Variants in SAMSN1 observed in about 807,000 individuals in gnomAD.
SAMSN1 encodes the protein SAM domain, SH3 domain and nuclear localization signals 1.
In SAMSN1, 31 loss-of-function variants were observed where a neutral mutation model predicts 42.0. The observed-to-expected ratio is 0.74, with a 90% CI of 0.55 to 1.00. The LOEUF (loss-of-function observed/expected upper bound fraction) is 1.00. Among genes scored for constraint, SAMSN1 ranks in the 50% least tolerant of loss-of-function variants. The pLI is 0.00. For synonymous variants in SAMSN1, 178 were observed against 151.9 expected, an observed-to-expected ratio of 1.17 and a Z score of -1.26; for missense variants, 464 against 439.4, an observed-to-expected ratio of 1.06 and a Z score of -0.50.
chr21:14,502,518 C>T (rs371197901), intron 5 of SAMSN1, among the ~76,000 whole-genome samples: 237 of 152,282 alleles, frequency 1.6e-3, no homozygotes, highest in African/African-American at 5.4e-3. Flanking sequence ...AATAGTATTT[C>T]AATTTTCATG....
chr21:14,551,819 G>T (rs1047474657), intron 2 of SAMSN1, among the ~76,000 whole-genome samples: 6 of 151,984 alleles, frequency 3.9e-5, no homozygotes, highest in African/African-American at 1.4e-4. Context: ...CAGCTTCCTG[G>T]TGGGGTTTGG....
chr21:14,610,153 C>T (rs901098223), intron 4 of SAMSN1, among the ~76,000 whole-genome samples: 6 of 152,158 alleles, frequency 3.9e-5, no homozygotes, highest in Non-Finnish European at 8.8e-5. Context: ...ATGATGGAGC[C>T]ATATTTCTCT....
At chr21:14,569,251 C>T (rs2123215042) in intron 2 of SAMSN1, among the ~76,000 whole-genome samples, 1 of 152,240 alleles carries the variant, frequency 6.6e-6, no homozygotes, top group African/African-American at 2.4e-5. Context: ...GCTGTGACCG[C>T]ACTACTGCAG....
At chr21:14,614,989 G>A (rs942194098) in intron 3 of SAMSN1, among the ~76,000 whole-genome samples, 14 of 152,110 alleles carry the variant, frequency 9.2e-5, no homozygotes, top group South Asian at 4.1e-4. Flanking sequence ...TGTTTTGGTA[G>A]CCTATATTCT....
intron 1 of SAMSN1, among the ~76,000 whole-genome samples, chr21:14,526,003 T>A (rs1410565465): frequency 3.9e-5 from 6 of 152,148 alleles, no homozygotes; most frequent in African/African-American, 1.4e-4. Context: ...GTAGCTGGGA[T>A]TACAGGCTTG....
chr21:14,577,200 T>C (rs28447175), intron 2 of SAMSN1, among the ~76,000 whole-genome samples: 26,268 of 117,308 alleles, frequency 0.22, 4,231 homozygotes, highest in African/African-American at 0.42. Flanking sequence ...GGATTACAGG[T>C]GCATGTCACC....
chr21:14,538,382 T>C (rs186068038), intron 1 of SAMSN1, among the ~76,000 whole-genome samples: 1 of 152,248 alleles, frequency 6.6e-6, no homozygotes, highest in Admixed American at 6.5e-5. Flanking sequence ...AAATCCCAAA[T>C]CTTTTAACTT....
chr21:14,582,370 A>G, exon 2 of SAMSN1: 1 of 1,550,282 alleles, frequency 6.5e-7, no homozygotes, highest in Admixed American at 2.0e-5. Flanking sequence ...CCAGTGATGC[A>G]GAAAGAGTAT....
At chr21:14,631,067 C>T (rs9981435) in intron 2 of SAMSN1, among the ~76,000 whole-genome samples, 1,983 of 152,236 alleles carry the variant, frequency 0.013, 46 homozygotes, top group African/African-American at 0.045. Context: ...TTTTTTAAGA[C>T]CTTTTGTGAA....
chr21:14,639,549 T>C (rs971605258), intron 2 of SAMSN1, among the ~76,000 whole-genome samples: 6 of 152,202 alleles, frequency 3.9e-5, no homozygotes, highest in Admixed American at 2.6e-4. Context: ...CACCTGTCAA[T>C]ATGATTGCAC....
At chr21:14,529,382 A>G (rs1488627435) in intron 1 of SAMSN1, among the ~76,000 whole-genome samples, 2 of 152,220 alleles carry the variant, frequency 1.3e-5, no homozygotes, top group African/African-American at 4.8e-5. Context: ...CAAATGACAG[A>G]TCCCACATTA....
intron 3 of SAMSN1, chr21:14,612,991 T>C: frequency 1.6e-6 from 1 of 618,376 alleles, no homozygotes; most frequent in East Asian, 2.8e-5. Flanking sequence ...TTAGAATATG[T>C]GCAACACTTT....
intron 2 of SAMSN1, among the ~76,000 whole-genome samples, chr21:14,552,274 G>A (rs1301882991): frequency 1.3e-5 from 2 of 151,902 alleles, no homozygotes; most frequent in Non-Finnish European, 2.9e-5. Context: ...AATCAGAGTA[G>A]AAGCACAAAT....
At chr21:14,588,499 G>A (rs1981990591) in intron 7 of SAMSN1, among the ~76,000 whole-genome samples, 2 of 151,522 alleles carry the variant, frequency 1.3e-5, no homozygotes, top group Admixed American at 6.6e-5. Flanking sequence ...GATGGCCAGT[G>A]ATGATGAGCA....
chr21:14,534,051 G>A (rs1979436184), intron 1 of SAMSN1, among the ~76,000 whole-genome samples: 1 of 152,158 alleles, frequency 6.6e-6, no homozygotes, highest in East Asian at 1.9e-4. Flanking sequence ...CTTTAAGGCA[G>A]ATTACATTAC....
intron 6 of SAMSN1, among the ~76,000 whole-genome samples, chr21:14,498,833 TACA>T (rs1479234824): frequency 1.3e-5 from 2 of 152,248 alleles, no homozygotes; most frequent in African/African-American, 4.8e-5. Flanking sequence ...CCTTAAGCTA[TACA>T]ATTCCAAATC....
intron 6 of SAMSN1, among the ~76,000 whole-genome samples, chr21:14,500,214 A>G (rs1219435852): frequency 6.6e-6 from 1 of 151,872 alleles, no homozygotes; most frequent in Non-Finnish European, 1.5e-5. Context: ...TACTCTCTTT[A>G]CCATTCTCGT....
chr21:14,570,969 G>A lies in SAMSN1; in HGVS notation c.261+11167C>T, dbSNP rs139972714. On this transcript the variant is annotated intron_variant, in intron 2 of 8. Coordinates refer to the SAMSN1 transcript ENST00000285670. ...CAGGCTTACCTTATCCCACATCTCCGTGTTTTCTCTCCCAGCTATTATGAA... is the reference window on the plus strand; with the variant it reads ...CAGGCTTACCTTATCCCACATCTCCATGTTTTCTCTCCCAGCTATTATGAA... Among the ~76,000 whole-genome samples, 8 of 152,232 alleles carry A rather than the reference G, an allele frequency of 5.3e-5. No individual in the cohort carries two copies. The East Asian group carries it at 1.2e-3, about 22-fold the overall frequency.
chr21:14,491,994 T>C (rs1986707380), intron 7 of SAMSN1, among the ~76,000 whole-genome samples: 1 of 152,112 alleles, frequency 6.6e-6, no homozygotes, highest in South Asian at 2.1e-4. Flanking sequence ...GCTATATCAT[T>C]TTTTTAACAT....
Sources: gnomAD v4.1 joint callset for allele counts (sites outside exome capture counted in the v4.1 genomes callset) on GRCh38, gnomAD v4.1.1 for gene constraint, MANE v1.5 for transcripts, NCBI Gene and HGNC (gene_info 2026-07-23, HGNC 2026-07-21) for gene names.